CNTNAP2: variants seen among roughly 807,000 people sequenced by gnomAD.
CNTNAP2 encodes the protein contactin associated protein 2, also known as contactin-associated protein-like 2.
A neutral mutation model predicts 155.2 loss-of-function variants in CNTNAP2; 98 were observed. The ratio of observed to expected loss-of-function variants is 0.63; its 90% CI spans 0.54 to 0.75. The LOEUF (loss-of-function observed/expected upper bound fraction) is 0.75. Among genes scored for constraint, CNTNAP2 ranks in the 30% least tolerant of loss-of-function variants. The probability of loss-of-function intolerance (pLI) is 0.00; values close to 1 mark genes in which losing one functional copy is unlikely to be tolerated. For synonymous variants in CNTNAP2, 651 were observed against 631.2 expected (o/e 1.03, Z -0.47); for missense variants, 1,727 against 1,688.1 (o/e 1.02, Z -0.40).
At chr7:147,865,130 G>A (rs147922437) in intron 13 of CNTNAP2, among the ~76,000 whole-genome samples, 4,129 of 152,240 alleles carry the variant, frequency 0.027, 170 homozygotes, top group African/African-American at 0.095. Flanking sequence ...GGAGTTTTTA[G>A]CAGGAAGGGC....
At chr7:147,791,373 T>C (rs563986729) in intron 13 of CNTNAP2, among the ~76,000 whole-genome samples, 59 of 152,196 alleles carry the variant, frequency 3.9e-4, no homozygotes, top group African/African-American at 1.4e-3. Flanking sequence ...CATATAGTCA[T>C]ACATTTTATC....
At chr7:148,024,157 T>TAAAAAAAAAAAAAAAAAAAA (rs34591496) in intron 15 of CNTNAP2, among the ~76,000 whole-genome samples, 1 of 107,632 alleles carries the variant, frequency 9.3e-6, no homozygotes, top group African/African-American at 3.6e-5. Context: ...CTTTAAAGTG[T>TAAAAAAAAAAAAAAAAAAAA]AAAAAAAAAA....
chr7:146,917,231 A>C (rs767402799), intron 3 of CNTNAP2, among the ~76,000 whole-genome samples: 9 of 151,656 alleles, frequency 5.9e-5, no homozygotes, highest in Non-Finnish European at 1.2e-4. Context: ...GTCTTATCAT[A>C]TGATCTATCT....
rs547337999 is a variant in CNTNAP2 at position 146,215,601 on chromosome 7, A to G, written c.97+98628A>G. Among the ~76,000 whole-genome samples, 102 of 151,120 alleles carry G rather than the reference A, an allele frequency of 6.7e-4. 1 individual carries two copies. The highest frequency in any genetic ancestry group is 1.2e-3 in the Non-Finnish European group (83 of 67,794). On this transcript the variant is annotated intron_variant, in intron 1 of 23. Coordinates refer to ENST00000361727, the MANE Select transcript of CNTNAP2 (RefSeq NM_014141.6). Reference sequence around the variant, plus strand: ...AAACCATATATATTTTTATATCTATATTATCTTATATGAATAATATATATA... The same window carrying G: ...AAACCATATATATTTTTATATCTATGTTATCTTATATGAATAATATATATA...
chr7:146,765,890 A>G (rs553544437), intron 1 of CNTNAP2, among the ~76,000 whole-genome samples: 140 of 152,252 alleles, frequency 9.2e-4, no homozygotes, highest in Non-Finnish European at 1.8e-3. Flanking sequence ...GAGGATGGAA[A>G]GGCCTTTGAG....
intron 1 of CNTNAP2, among the ~76,000 whole-genome samples, chr7:146,666,090 T>C (rs1476090927): frequency 3.3e-5 from 5 of 152,092 alleles, no homozygotes; most frequent in African/African-American, 1.2e-4. Flanking sequence ...CTAGAACTTA[T>C]TCTTCTCATC....
In CNTNAP2 at chr7:146,379,147, T is replaced by C. The variant is rs975155501; in HGVS notation, c.97+262174T>C. Among the ~76,000 whole-genome samples, 13 of 152,352 alleles carry C rather than the reference T, an allele frequency of 8.5e-5. 1 individual carries two copies. Among genetic ancestry groups the C allele is most frequent in the Middle Eastern group, 3.4e-3 (1 of 294 alleles). ...ACCTCTTTTAAACCAATGCTCTTAG[T>C]ACCCAGAACCTTGGGATTTTCTGCA... On this transcript the variant is annotated intron_variant, in intron 1 of 23. Coordinates refer to ENST00000361727, the MANE Select transcript of CNTNAP2 (RefSeq NM_014141.6).
intron 1 of CNTNAP2, among the ~76,000 whole-genome samples, chr7:146,587,566 AAC>A (rs776134251): frequency 6.6e-6 from 1 of 152,174 alleles, no homozygotes; most frequent in Non-Finnish European, 1.5e-5. Flanking sequence ...TACCACCACA[AAC>A]ACACACATAC....
At chr7:146,167,320 A>G (rs183316926) in intron 1 of CNTNAP2, among the ~76,000 whole-genome samples, 1 of 152,334 alleles carries the variant, frequency 6.6e-6, no homozygotes, top group Non-Finnish European at 1.5e-5. Flanking sequence ...TTGTGGAAAC[A>G]CAGAAGAAGA....
At chr7:148,004,339 G>A (rs926738895) in intron 15 of CNTNAP2, among the ~76,000 whole-genome samples, 11 of 152,084 alleles carry the variant, frequency 7.2e-5, no homozygotes, top group African/African-American at 2.4e-4. Context: ...TCATATAGGT[G>A]TAAATTTGAA....
At chr7:148,080,041 T>C (rs1381031233) in intron 15 of CNTNAP2, among the ~76,000 whole-genome samples, 5 of 152,220 alleles carry the variant, frequency 3.3e-5, no homozygotes, top group African/African-American at 1.2e-4. Context: ...GTTCACCAAG[T>C]TGTCTCCCTA....
At chr7:146,975,694 G>T (rs1278749880) in intron 3 of CNTNAP2, among the ~76,000 whole-genome samples, 2 of 152,090 alleles carry the variant, frequency 1.3e-5, no homozygotes, top group Non-Finnish European at 2.9e-5. Context: ...TCACAGATGT[G>T]CTCCTCCATC....
intron 1 of CNTNAP2, among the ~76,000 whole-genome samples, chr7:146,368,415 G>A (rs1437325931): frequency 6.6e-6 from 1 of 152,094 alleles, no homozygotes; most frequent in Non-Finnish European, 1.5e-5. Context: ...GATTGGTATG[G>A]TATTGTACGG....
intron 1 of CNTNAP2, among the ~76,000 whole-genome samples, chr7:146,657,044 C>A (rs1223265434): frequency 6.6e-6 from 1 of 152,094 alleles, no homozygotes; most frequent in Non-Finnish European, 1.5e-5. Flanking sequence ...TGAAGACATG[C>A]AATTATCTTT....
intron 15 of CNTNAP2, among the ~76,000 whole-genome samples, chr7:148,000,709 A>G (rs1480869671): frequency 1.3e-5 from 2 of 152,216 alleles, no homozygotes; most frequent in African/African-American, 4.8e-5. Flanking sequence ...CTAGCAGACT[A>G]GATTCCTCAG....
At chr7:146,890,280 A>G (rs1428981617) in intron 3 of CNTNAP2, among the ~76,000 whole-genome samples, 2 of 152,202 alleles carry the variant, frequency 1.3e-5, no homozygotes, top group Non-Finnish European at 2.9e-5. Context: ...ACTCTCTTCA[A>G]AGTAGTCAGT....
chr7:147,733,495 C>T (rs553510902), intron 13 of CNTNAP2, among the ~76,000 whole-genome samples: 46 of 152,170 alleles, frequency 3.0e-4, no homozygotes, highest in African/African-American at 1.0e-3. Flanking sequence ...ATTGACTTGC[C>T]AATGTGGGCT....
At chr7:148,246,803 C>T (rs2116807958) in intron 20 of CNTNAP2, among the ~76,000 whole-genome samples, 1 of 152,278 alleles carries the variant, frequency 6.6e-6, no homozygotes, top group South Asian at 2.1e-4. Context: ...GTAGAAAGTG[C>T]AGTTTCATTT....
At chr7:146,924,479 A>G (rs1796566410) in intron 3 of CNTNAP2, among the ~76,000 whole-genome samples, 1 of 152,148 alleles carries the variant, frequency 6.6e-6, no homozygotes, top group Non-Finnish European at 1.5e-5. Flanking sequence ...CATAACAGTT[A>G]GTCAATGTGA....
Sources: allele counts gnomAD v4.1 joint callset (sites outside exome capture counted in the v4.1 genomes callset), GRCh38; gene constraint gnomAD v4.1.1; transcripts MANE v1.5; gene names NCBI Gene and HGNC (gene_info 2026-07-23, HGNC 2026-07-21).